The following NXPH2 variants were observed in gnomAD, a reference collection of about 807,000 sequenced individuals.
NXPH2 encodes the protein neurexophilin 2.
Under a neutral mutation model 19.8 loss-of-function variants are expected in NXPH2, and 5 were observed. The observed-to-expected ratio is 0.25, with a 90% CI of 0.13 to 0.53. The LOEUF (loss-of-function observed/expected upper bound fraction) is 0.53, where lower values mean the gene tolerates loss of function less well. NXPH2 is among the 20% of genes least tolerant of loss of function. The pLI, the probability that NXPH2 is intolerant of heterozygous loss-of-function variation, is 0.96. For synonymous variants in NXPH2, 154 were observed against 127.4 expected (o/e 1.21, Z -1.41); for missense variants, 289 against 322.8 (o/e 0.90, Z 0.80).
At chr2:138,687,204 T>G (rs943115489) in intron 1 of NXPH2, among the ~76,000 whole-genome samples, 6 of 152,320 alleles carry the variant, frequency 3.9e-5, no homozygotes, top group African/African-American at 1.4e-4. Flanking sequence ...CCACATCCTC[T>G]CCAGCACCTG....
At chr2:138,774,802 T>C (rs1054871457) in intron 1 of NXPH2, among the ~76,000 whole-genome samples, 1 of 152,224 alleles carries the variant, frequency 6.6e-6, no homozygotes, top group Non-Finnish European at 1.5e-5. Context: ...TTGTTGAATG[T>C]TTGACTGATT....
At chr2:138,731,351 G>T (rs753766014) in intron 1 of NXPH2, among the ~76,000 whole-genome samples, 3 of 151,960 alleles carry the variant, frequency 2.0e-5, no homozygotes, top group African/African-American at 7.3e-5. Flanking sequence ...TAAGCAATAC[G>T]CTTTTATTGT....
At chr2:138,727,676 G>T in intron 1 of NXPH2, among the ~76,000 whole-genome samples, 1 of 119,068 alleles carries the variant, frequency 8.4e-6, no homozygotes, top group African/African-American at 3.2e-5. Context: ...TGAGGCGGGG[G>T]GGGTTCTTTT....
intron 1 of NXPH2, among the ~76,000 whole-genome samples, chr2:138,775,918 C>T (rs76753971): frequency 0.062 from 9,459 of 152,172 alleles, 1,044 homozygotes; most frequent in African/African-American, 0.22. Context: ...TTTACAGAAA[C>T]GCTGACACAG....
intron 1 of NXPH2, among the ~76,000 whole-genome samples, chr2:138,691,809 C>T (rs576122366): frequency 6.6e-6 from 1 of 152,248 alleles, no homozygotes; most frequent in African/African-American, 2.4e-5. Flanking sequence ...CCTTCCAGAT[C>T]AGTTCAGCTG....
At chr2:138,680,969 C>T (rs960883047) in intron 1 of NXPH2, among the ~76,000 whole-genome samples, 2 of 152,172 alleles carry the variant, frequency 1.3e-5, no homozygotes, top group African/African-American at 2.4e-5. Context: ...GATGTTCAGT[C>T]TTTGCTGAAT....
intron 1 of NXPH2, among the ~76,000 whole-genome samples, chr2:138,693,714 T>C (rs1680779802): frequency 6.6e-6 from 1 of 152,108 alleles, no homozygotes; most frequent in Admixed American, 6.6e-5. Flanking sequence ...GGTCTGAGTA[T>C]AGAGACAGTA....
chr2:138,780,180 C>T lies in NXPH2; in HGVS notation c.51+11G>A. ...CCGGCGTGTGGGACGGCGCGCGGGCCGGGCACTCACCAGCTGCAGCAAGCC... is the reference window on the plus strand; with the variant it reads ...CCGGCGTGTGGGACGGCGCGCGGGCTGGGCACTCACCAGCTGCAGCAAGCC... On this transcript the variant is annotated intron_variant, in intron 1 of 1. Transcript: ENST00000272641. 6.7e-7 allele frequency: 1 copy of T among 1,490,024 alleles called. No individual in the cohort carries two copies. Among genetic ancestry groups the T allele is most frequent in the Non-Finnish European group, 8.9e-7 (1 of 1,128,106 alleles). The allele number at this position is 1,490,024 out of a possible 1,614,324, so 92.3% of individuals were successfully genotyped here.
At chr2:138,730,956 G>T (rs1681438933) in intron 1 of NXPH2, among the ~76,000 whole-genome samples, 1 of 152,046 alleles carries the variant, frequency 6.6e-6, no homozygotes, top group South Asian at 2.1e-4. Context: ...CTCTTCCCAT[G>T]CCCTTTGTTG....
chr2:138,670,853 G>A lies in NXPH2; in HGVS notation c.*69C>T. The stretch of plus-strand genomic sequence containing the variant: ...CAAAAGGGATCCTTTATCATAAAGA[G>A]CTGGGCTTGTTTCTTTGTCATTCTA... On this transcript the variant is annotated 3_prime_UTR_variant, in exon 2 of 2. Transcript: ENST00000272641. 6.7e-7 allele frequency: 1 copy of A among 1,485,646 alleles called. No individual in the cohort carries two copies. The highest frequency in any genetic ancestry group is 9.1e-7 in the Non-Finnish European group (1 of 1,098,976). 92.0% of individuals were successfully genotyped at this position (1,485,646 alleles called of 1,614,324 possible). A position where few individuals can be genotyped will look rare whatever the true frequency, so the allele number is the denominator to read the frequency against.
chr2:138,704,814 G>A (rs1437851187), intron 1 of NXPH2, among the ~76,000 whole-genome samples: 1 of 137,150 alleles, frequency 7.3e-6, no homozygotes, highest in African/African-American at 2.7e-5. Context: ...GCACCACCAC[G>A]CCCAGCTAAT....
intron 1 of NXPH2, among the ~76,000 whole-genome samples, chr2:138,680,085 G>A (rs1680550071): frequency 6.6e-6 from 1 of 152,132 alleles, no homozygotes; most frequent in Admixed American, 6.5e-5. Flanking sequence ...GACAAGCAGG[G>A]AAGAGCAAGA....
At chr2:138,734,216 GCCTGGGTGATAGA>G (rs1383049512) in intron 1 of NXPH2, among the ~76,000 whole-genome samples, 2 of 152,196 alleles carry the variant, frequency 1.3e-5, no homozygotes, top group East Asian at 3.9e-4. Flanking sequence ...CTGCATTCCA[GCCTGGGTGATAGA>G]AGAAGACTCT....
intron 1 of NXPH2, among the ~76,000 whole-genome samples, chr2:138,721,061 G>A (rs1168906854): frequency 6.6e-6 from 1 of 152,206 alleles, no homozygotes; most frequent in Non-Finnish European, 1.5e-5. Flanking sequence ...TGCCAGAGGG[G>A]CTGAGTGTGG....
At chr2:138,720,944 G>A (rs993388766) in intron 1 of NXPH2, among the ~76,000 whole-genome samples, 8 of 152,348 alleles carry the variant, frequency 5.3e-5, no homozygotes, top group South Asian at 2.1e-4. Context: ...ATAGGGCAGA[G>A]AAGGTAGTAT....
intron 1 of NXPH2, among the ~76,000 whole-genome samples, chr2:138,678,335 C>T (rs1680517622): frequency 1.3e-5 from 2 of 152,146 alleles, no homozygotes; most frequent in East Asian, 1.9e-4. Flanking sequence ...GTCACTGTGA[C>T]GTGCCACTGT....
intron 1 of NXPH2, among the ~76,000 whole-genome samples, chr2:138,684,848 C>G (rs1680625472): frequency 1.3e-5 from 2 of 152,184 alleles, no homozygotes; most frequent in South Asian, 4.1e-4. Context: ...CCTTCTCTGT[C>G]CCTATCAGTC....
chr2:138,731,121 TCA>T (rs2104999743), intron 1 of NXPH2, among the ~76,000 whole-genome samples: 1 of 152,334 alleles, frequency 6.6e-6, no homozygotes, highest in East Asian at 1.9e-4. Flanking sequence ...TTTTATTTAT[TCA>T]GTTTCTGCTG....
At chr2:138,713,707 A>T (rs1268801888) in intron 1 of NXPH2, among the ~76,000 whole-genome samples, 1 of 152,012 alleles carries the variant, frequency 6.6e-6, no homozygotes, top group African/African-American at 2.4e-5. Flanking sequence ...TGATGAGGCC[A>T]TGGGACCAGG....
Sources: allele counts gnomAD v4.1 joint callset (sites outside exome capture counted in the v4.1 genomes callset), GRCh38; gene constraint gnomAD v4.1.1; transcripts MANE v1.5; gene names NCBI Gene and HGNC (gene_info 2026-07-23, HGNC 2026-07-21).